Variants in CSMD1 observed in about 807,000 individuals in gnomAD.
CSMD1 encodes the protein CUB and Sushi multiple domains 1.
CSMD1 carries 213 observed loss-of-function variants against 417.5 expected under a neutral mutation model. The ratio of observed to expected loss-of-function variants is 0.51; its 90% CI spans 0.46 to 0.57. CSMD1 has a LOEUF of 0.57. Among genes scored for constraint, CSMD1 ranks in the 20% least tolerant of loss-of-function variants. The pLI, the probability that CSMD1 is intolerant of heterozygous loss-of-function variation, is 0.00. For synonymous variants in CSMD1, 2,862 were observed against 1,736.8 expected (o/e 1.65, Z -16.11); for missense variants, 6,923 against 4,529.7 (o/e 1.53, Z -15.17).
At chr8:4,547,718 A>C (rs2130547192) in intron 2 of CSMD1, among the ~76,000 whole-genome samples, 1 of 152,344 alleles carries the variant, frequency 6.6e-6, no homozygotes, top group African/African-American at 2.4e-5. Flanking sequence ...CTGGAGTAGA[A>C]GCTATAAGCA....
At chr8:3,689,868 T>A (rs1362300553) in intron 7 of CSMD1, among the ~76,000 whole-genome samples, 1 of 152,204 alleles carries the variant, frequency 6.6e-6, no homozygotes, top group Non-Finnish European at 1.5e-5. Context: ...ATCAGATATT[T>A]CCTCCAGCAT....
intron 5 of CSMD1, among the ~76,000 whole-genome samples, chr8:3,784,543 C>T (rs535762111): frequency 2.0e-5 from 3 of 152,112 alleles, no homozygotes; most frequent in African/African-American, 7.2e-5. Context: ...CAACTGGTCC[C>T]TCATGGTCAT....
intron 5 of CSMD1, among the ~76,000 whole-genome samples, chr8:3,807,193 A>G (rs1800790740): frequency 6.6e-6 from 1 of 152,174 alleles, no homozygotes; most frequent in Non-Finnish European, 1.5e-5. Context: ...CTAAAATGGA[A>G]ATTTTCATGA....
chr8:4,493,564 G>C (rs894084288), intron 2 of CSMD1, among the ~76,000 whole-genome samples: 1 of 152,048 alleles, frequency 6.6e-6, no homozygotes, highest in African/African-American at 2.4e-5. Flanking sequence ...GCCAGGCAAT[G>C]GGGCATGCAC....
intron 41 of CSMD1, among the ~76,000 whole-genome samples, chr8:3,134,480 C>G (rs1271379507): frequency 1.3e-5 from 2 of 152,200 alleles, no homozygotes; most frequent in Non-Finnish European, 2.9e-5. Context: ...TTGAGAGGAG[C>G]AGGCAGATCT....
rs1268834083 is a variant in CSMD1 at position 2,937,869 on chromosome 8, T to G, written c.*716A>C. ...GCTTATATACAATGGATAGTGTGTA[T>G]AAACCCTGTGTAAATAATTTATTTT... On this transcript the variant is annotated 3_prime_UTR_variant, in exon 70 of 70. Coordinates refer to ENST00000635120, the MANE Select transcript of CSMD1 (RefSeq NM_033225.6). 4 of 149,686 alleles carry G rather than the reference T, an allele frequency of 2.7e-5. No homozygotes were observed. The highest frequency in any genetic ancestry group is 9.8e-5 in the African/African-American group (4 of 40,836). 9.3% of individuals were successfully genotyped at this position (149,686 alleles called of 1,614,324 possible).
At chr8:3,881,281 T>C (rs933152630) in intron 5 of CSMD1, among the ~76,000 whole-genome samples, 1 of 149,368 alleles carries the variant, frequency 6.7e-6, no homozygotes, top group Non-Finnish European at 1.5e-5. Flanking sequence ...TTTTCACTAA[T>C]TCATAAGCCA....
At chr8:3,956,866 G>T (rs1280740474) in intron 5 of CSMD1, among the ~76,000 whole-genome samples, 3 of 152,118 alleles carry the variant, frequency 2.0e-5, no homozygotes, top group African/African-American at 7.2e-5. Context: ...GGAACTCCTT[G>T]GAATGCTGCA....
At chr8:3,571,451 T>A (rs76793953) in intron 10 of CSMD1, among the ~76,000 whole-genome samples, 1 of 152,190 alleles carries the variant, frequency 6.6e-6, no homozygotes, top group African/African-American at 2.4e-5. Context: ...AGTAGAGGCA[T>A]TGTTAGTAAC....
chr8:3,882,342 G>A (rs569293740), intron 5 of CSMD1, among the ~76,000 whole-genome samples: 19 of 152,116 alleles, frequency 1.2e-4, no homozygotes, highest in African/African-American at 2.7e-4. Context: ...ATAAAATCTC[G>A]ACGATGACAG....
At chr8:4,883,879 T>C (rs1287248430) in intron 1 of CSMD1, among the ~76,000 whole-genome samples, 3 of 152,098 alleles carry the variant, frequency 2.0e-5, no homozygotes, top group Non-Finnish European at 2.9e-5. Context: ...ATATGGTAAC[T>C]TTATGTCTAA....
chr8:4,787,264 T>C (rs2117215907), intron 1 of CSMD1: 1 of 584,694 alleles, frequency 1.7e-6, no homozygotes, highest in Non-Finnish European at 3.1e-6. Context: ...TGCTCTCTGA[T>C]CACCCCTCTT....
chr8:4,288,896 A>T (rs910427120), intron 3 of CSMD1, among the ~76,000 whole-genome samples: 22 of 152,190 alleles, frequency 1.4e-4, no homozygotes, highest in Non-Finnish European at 2.5e-4. Flanking sequence ...GTTACTTAAC[A>T]ACTACTTTTA....
intron 1 of CSMD1, among the ~76,000 whole-genome samples, chr8:4,744,529 C>A (rs1191418309): frequency 6.6e-6 from 1 of 152,102 alleles, no homozygotes; most frequent in African/African-American, 2.4e-5. Flanking sequence ...ATATGAATTA[C>A]CTGTCTATAT....
intron 5 of CSMD1, among the ~76,000 whole-genome samples, chr8:3,805,458 C>T (rs1324905787): frequency 1.3e-5 from 2 of 152,140 alleles, no homozygotes; most frequent in Non-Finnish European, 2.9e-5. Flanking sequence ...TGATCTACTC[C>T]CTCCCTCTTT....
intron 59 of CSMD1, among the ~76,000 whole-genome samples, chr8:2,965,222 G>A (rs765982707): frequency 2.6e-5 from 4 of 152,122 alleles, no homozygotes; most frequent in Non-Finnish European, 4.4e-5. Flanking sequence ...TTGATGAGTT[G>A]AGCCTGTCTT....
At chr8:4,652,474 G>A (rs1254495449) in intron 1 of CSMD1, among the ~76,000 whole-genome samples, 1 of 151,980 alleles carries the variant, frequency 6.6e-6, no homozygotes, top group Non-Finnish European at 1.5e-5. Context: ...CTACCAGAAA[G>A]AACCACTGTG....
chr8:4,190,130 G>A (rs1356074212), intron 3 of CSMD1, among the ~76,000 whole-genome samples: 2 of 151,584 alleles, frequency 1.3e-5, no homozygotes, highest in Non-Finnish European at 2.9e-5. Flanking sequence ...GTGGTGGCAG[G>A]TGCCTGTGGT....
intron 28 of CSMD1, among the ~76,000 whole-genome samples, chr8:3,221,525 C>T (rs916943838): frequency 7.1e-5 from 9 of 125,932 alleles, no homozygotes; most frequent in African/African-American, 2.7e-4. Flanking sequence ...CTGCCAGACA[C>T]AGGAAAACAA....
Sources: gnomAD v4.1 joint callset for allele counts (sites outside exome capture counted in the v4.1 genomes callset) on GRCh38, gnomAD v4.1.1 for gene constraint, MANE v1.5 for transcripts, NCBI Gene and HGNC (gene_info 2026-07-23, HGNC 2026-07-21) for gene names.